The following PRKD1 variants were observed in gnomAD, a reference collection of about 807,000 sequenced individuals.
The protein encoded by PRKD1 is serine/threonine-protein kinase D1.
PRKD1 carries 63 observed loss-of-function variants against 95.9 expected under a neutral mutation model. The ratio of observed to expected loss-of-function variants is 0.66; its 90% CI spans 0.54 to 0.81. The LOEUF (loss-of-function observed/expected upper bound fraction) is 0.81, where lower values mean the gene tolerates loss of function less well. PRKD1 is among the 30% of genes least tolerant of loss of function. PRKD1 has a pLI of 0.00. For missense variants in PRKD1, 1,048 were observed against 1,165.3 expected (o/e 0.90, Z 1.47); for synonymous variants, 425 against 423.1 (o/e 1.00, Z -0.05).
intron 16 of PRKD1, among the ~76,000 whole-genome samples, chr14:29,584,473 C>A (rs1666955148): frequency 6.6e-6 from 1 of 152,134 alleles, no homozygotes; most frequent in African/African-American, 2.4e-5. Context: ...TCAATACATG[C>A]CTATCTCCCC....
chr14:29,748,171 T>C (rs545965439), intron 1 of PRKD1, among the ~76,000 whole-genome samples: 2 of 152,312 alleles, frequency 1.3e-5, no homozygotes, highest in South Asian at 2.1e-4. Context: ...ATAGAAAATA[T>C]TCTGATTCGC....
At chr14:29,759,590 T>A (rs1887878105) in intron 1 of PRKD1, among the ~76,000 whole-genome samples, 1 of 152,208 alleles carries the variant, frequency 6.6e-6, no homozygotes, top group Admixed American at 6.5e-5. Context: ...AGTTGTGCAA[T>A]TTAGTGATTC....
chr14:29,851,908 G>T (rs1226236843), intron 1 of PRKD1, among the ~76,000 whole-genome samples: 1 of 152,148 alleles, frequency 6.6e-6, no homozygotes, highest in South Asian at 2.1e-4. Flanking sequence ...CCATAAAAAA[G>T]AACAAAATCA....
chr14:29,754,979 A>G lies in PRKD1; in HGVS notation c.265-29305T>C, dbSNP rs1278253825. On this transcript the variant is annotated intron_variant, in intron 1 of 17. Transcript: ENST00000331968. ...ATTATATTTTTATTAGGGTTTTAAT[A>G]TTTCACACAGACACCTTATATAAAT... Among the ~76,000 whole-genome samples, 5 of 152,114 alleles carry G rather than the reference A, an allele frequency of 3.3e-5. No individual in the cohort carries two copies. In the East Asian group the frequency reaches 9.6e-4, roughly 29 times the overall value.
chr14:29,848,905 A>C (rs979651444), intron 1 of PRKD1, among the ~76,000 whole-genome samples: 5 of 152,246 alleles, frequency 3.3e-5, no homozygotes, highest in African/African-American at 9.6e-5. Flanking sequence ...TAACAAGATC[A>C]ACAGGATGCT....
chr14:29,721,629 A>G (rs1045951998), intron 2 of PRKD1, among the ~76,000 whole-genome samples: 2 of 152,112 alleles, frequency 1.3e-5, no homozygotes, highest in Non-Finnish European at 2.9e-5. Context: ...ACATTCCACA[A>G]CCTTGATTTT....
At chr14:29,787,685 T>C (rs190414541) in intron 1 of PRKD1, among the ~76,000 whole-genome samples, 2 of 152,234 alleles carry the variant, frequency 1.3e-5, no homozygotes, top group East Asian at 3.9e-4. Context: ...GGTGAAATAT[T>C]TTTTTCCATG....
chr14:29,725,654 G>T lies in PRKD1; in HGVS notation c.285C>A (p.Tyr95Ter). ...AAAGCAGGATCTTATCATACATTCCGTAGAAACCACATTCAGGGAACTGCA... is the reference window on the plus strand; with the variant it reads ...AAAGCAGGATCTTATCATACATTCCTTAGAAACCACATTCAGGGAACTGCA... ...VDQKFPECGF[Y>*]GMYDKILLFR... The change falls in exon 2 of 18, where the codon TAC becomes TAA. Residue 95 changes from tyrosine to a stop codon, truncating the protein, a stop_gained. Transcript: ENST00000331968. LOFTEE classifies it high-confidence loss of function. 6.2e-7 allele frequency: 1 copy of T among 1,613,426 alleles called. No homozygotes were observed. Among genetic ancestry groups the T allele is most frequent in the Non-Finnish European group, 8.5e-7 (1 of 1,179,568 alleles).
chr14:29,655,167 T>G (rs1263186474), intron 4 of PRKD1, among the ~76,000 whole-genome samples: 1 of 152,244 alleles, frequency 6.6e-6, no homozygotes, highest in Non-Finnish European at 1.5e-5. Flanking sequence ...GGAAAGATAC[T>G]AATTCACATT....
chr14:29,880,300 G>A (rs551143276), intron 1 of PRKD1, among the ~76,000 whole-genome samples: 93 of 152,286 alleles, frequency 6.1e-4, no homozygotes, highest in African/African-American at 2.2e-3. Flanking sequence ...GCTGACAGTG[G>A]CCAATATAAA....
intron 2 of PRKD1, among the ~76,000 whole-genome samples, chr14:29,676,177 GTTTTT>G (rs1883190339): frequency 1.9e-5 from 2 of 104,758 alleles, no homozygotes; most frequent in African/African-American, 8.4e-5. Context: ...AGTTCATTAC[GTTTTT>G]GTTTTTTTTT....
At chr14:29,678,856 T>A (rs545749696) in intron 2 of PRKD1, among the ~76,000 whole-genome samples, 1 of 152,316 alleles carries the variant, frequency 6.6e-6, no homozygotes, top group Non-Finnish European at 1.5e-5. Context: ...ACATTTAACA[T>A]GACAATCCTA....
rs45578239 is a variant in PRKD1 at position 29,772,802 on chromosome 14, T to G, written c.265-47128A>C. Among the ~76,000 whole-genome samples, 1,052 of 152,274 alleles carry G rather than the reference T, an allele frequency of 6.9e-3. 5 individuals carry two copies. Among genetic ancestry groups the G allele is most frequent in the African/African-American group, 0.024 (982 of 41,550 alleles). On this transcript the variant is annotated intron_variant, in intron 1 of 17. Transcript: ENST00000331968. ...AGCTTTCCTGCAAAAACGATGCCCA[T>G]TTCTCTATTATCTCCTATATGTCTA... is the stretch of plus-strand genomic sequence containing the variant.
chr14:29,743,958 T>G (rs1594477469), intron 1 of PRKD1, among the ~76,000 whole-genome samples: 1 of 152,190 alleles, frequency 6.6e-6, no homozygotes, highest in East Asian at 1.9e-4. Flanking sequence ...TACTGAACCC[T>G]CTTTTTCTTT....
chr14:29,663,897 T>C (rs777828507), intron 3 of PRKD1, 38 bp from the exon 4 acceptor site: 18 of 1,589,924 alleles, frequency 1.1e-5, no homozygotes, highest in Non-Finnish European at 1.4e-5. Flanking sequence ...TATTGAACCA[T>C]AAATTAAAAA....
intron 2 of PRKD1, among the ~76,000 whole-genome samples, chr14:29,709,329 C>T (rs1342452128): frequency 6.6e-6 from 1 of 151,956 alleles, no homozygotes; most frequent in Non-Finnish European, 1.5e-5. Flanking sequence ...ACCAGAATTC[C>T]AATTTATAAG....
At chr14:29,686,344 G>T (rs1200622836) in intron 2 of PRKD1, among the ~76,000 whole-genome samples, 1 of 152,200 alleles carries the variant, frequency 6.6e-6, no homozygotes, top group Non-Finnish European at 1.5e-5. Context: ...CACAGGCAGT[G>T]TGTCAGTTGG....
intron 1 of PRKD1, among the ~76,000 whole-genome samples, chr14:29,833,667 T>C (rs560630515): frequency 1.3e-5 from 2 of 152,168 alleles, no homozygotes; most frequent in African/African-American, 4.8e-5. Context: ...CATTTCAGTA[T>C]AAGAATATTT....
At chr14:29,731,412 G>T (rs1217690142) in intron 1 of PRKD1, among the ~76,000 whole-genome samples, 2 of 152,138 alleles carry the variant, frequency 1.3e-5, no homozygotes, top group Non-Finnish European at 2.9e-5. Context: ...TGTGTATTCT[G>T]CTGTTGTTGG....
Sources: allele counts gnomAD v4.1 joint callset (sites outside exome capture counted in the v4.1 genomes callset), GRCh38; gene constraint gnomAD v4.1.1; transcripts MANE v1.5; gene names NCBI Gene and HGNC (gene_info 2026-07-23, HGNC 2026-07-21).